EYA1: variants seen among roughly 807,000 people sequenced by gnomAD.
EYA1 encodes the protein EYA transcriptional coactivator and phosphatase 1.
In EYA1, 16 loss-of-function variants were observed where a neutral mutation model predicts 82.0. The ratio of observed to expected loss-of-function variants is 0.20; its 90% CI spans 0.13 to 0.30. The LOEUF (loss-of-function observed/expected upper bound fraction) is 0.30, where lower values mean the gene tolerates loss of function less well. EYA1 is among the 10% of genes least tolerant of loss of function. EYA1 has a pLI of 1.00. For missense variants in EYA1, 633 were observed against 730.7 expected (o/e 0.87, Z 1.54); for synonymous variants, 261 against 264.4 (o/e 0.99, Z 0.12).
intron 2 of EYA1, among the ~76,000 whole-genome samples, chr8:71,449,486 T>C (rs1482641620): frequency 6.6e-6 from 1 of 152,230 alleles, no homozygotes; most frequent in Non-Finnish European, 1.5e-5. Flanking sequence ...TCTTTTTTCC[T>C]GAGCAGTAGA....
chr8:71,275,384 G>A (rs1051269690), intron 9 of EYA1, among the ~76,000 whole-genome samples: 2 of 152,128 alleles, frequency 1.3e-5, no homozygotes, highest in African/African-American at 4.8e-5. Context: ...ATTCAGTTCC[G>A]CTTTGGACAT....
intron 2 of EYA1, among the ~76,000 whole-genome samples, chr8:71,448,252 C>A (rs1261866169): frequency 6.6e-6 from 1 of 152,102 alleles, no homozygotes; most frequent in Non-Finnish European, 1.5e-5. Context: ...GTTTTCTCAA[C>A]TAGGCTGATG....
chr8:71,318,371 C>T (rs1351532031), intron 6 of EYA1, among the ~76,000 whole-genome samples: 1 of 152,144 alleles, frequency 6.6e-6, no homozygotes, highest in Admixed American at 6.5e-5. Flanking sequence ...CCAGCAGTTT[C>T]CTTTTGTCCC....
intron 2 of EYA1, among the ~76,000 whole-genome samples, chr8:71,490,235 C>A (rs1245423415): frequency 6.6e-6 from 1 of 152,110 alleles, no homozygotes; most frequent in African/African-American, 2.4e-5. Flanking sequence ...CATAATAATG[C>A]CTTAACTTTT....
At chr8:71,423,293 C>T (rs529306850) in intron 2 of EYA1, among the ~76,000 whole-genome samples, 3 of 152,006 alleles carry the variant, frequency 2.0e-5, no homozygotes, top group Non-Finnish European at 4.4e-5. Context: ...CTGTTTTAAA[C>T]ATCTGAAATA....
At chr8:71,280,789 CCTAGG>C (rs1817729453) in intron 9 of EYA1, among the ~76,000 whole-genome samples, 1 of 152,094 alleles carries the variant, frequency 6.6e-6, no homozygotes, top group Non-Finnish European at 1.5e-5. Context: ...CACTCTGTCA[CCTAGG>C]CTGCAATACT....
chr8:71,456,958 T>C (rs561465830), intron 2 of EYA1, among the ~76,000 whole-genome samples: 89 of 152,174 alleles, frequency 5.8e-4, no homozygotes, highest in African/African-American at 2.1e-3. Context: ...GAAACTACCA[T>C]CAAAGTGAAC....
At chr8:71,224,238 G>A (rs1810298730) in intron 12 of EYA1, among the ~76,000 whole-genome samples, 1 of 152,184 alleles carries the variant, frequency 6.6e-6, no homozygotes, top group African/African-American at 2.4e-5. Context: ...GCTGATCAAG[G>A]CTATAGTATG....
chr8:71,293,834 C>T (rs1033386942), intron 9 of EYA1, among the ~76,000 whole-genome samples: 4 of 99,548 alleles, frequency 4.0e-5, no homozygotes, highest in Non-Finnish European at 4.9e-5. Flanking sequence ...TAACATTATA[C>T]TTCATGGCGA....
chr8:71,319,860 G>GA (rs1326971630), intron 6 of EYA1, among the ~76,000 whole-genome samples: 1 of 152,142 alleles, frequency 6.6e-6, no homozygotes, highest in African/African-American at 2.4e-5. Context: ...AGAACTTTTG[G>GA]ATCAGAAGTA....
At chr8:71,376,661 G>A (rs1481143831) in intron 2 of EYA1, among the ~76,000 whole-genome samples, 1 of 152,110 alleles carries the variant, frequency 6.6e-6, no homozygotes, top group Non-Finnish European at 1.5e-5. Flanking sequence ...AATTGAATGT[G>A]GGTTTCAGGC....
intron 2 of EYA1, among the ~76,000 whole-genome samples, chr8:71,457,380 A>G (rs1808019090): frequency 6.6e-6 from 1 of 152,196 alleles, no homozygotes; most frequent in African/African-American, 2.4e-5. Context: ...AGAACTAGAA[A>G]TACCATTTGA....
intron 17 of EYA1, among the ~76,000 whole-genome samples, chr8:71,207,231 T>C (rs1018897483): frequency 9.2e-5 from 14 of 152,216 alleles, no homozygotes; most frequent in African/African-American, 3.1e-4. Flanking sequence ...TCTACTTCTG[T>C]GCAGCACTCC....
At chr8:71,297,501 G>A (rs948422896) in intron 9 of EYA1, among the ~76,000 whole-genome samples, 6 of 152,060 alleles carry the variant, frequency 3.9e-5, no homozygotes, top group African/African-American at 1.2e-4. Context: ...CTCTTTCTAT[G>A]ACTCTCTAGA....
At position 71,451,488 on chromosome 8, in the gene EYA1, G is replaced by T. The variant is rs534750889; in HGVS notation, c.33+84256C>A. Among the ~76,000 whole-genome samples, 5 of 152,264 alleles carry T rather than the reference G, an allele frequency of 3.3e-5. No homozygotes were observed. The South Asian group carries it at 8.3e-4, about 25-fold the overall frequency. ...TTGTACATGTACACACACAATGCCAGAAAGAAATATATGAAATATATGAAA... is the reference window on the plus strand; with the variant it reads ...TTGTACATGTACACACACAATGCCATAAAGAAATATATGAAATATATGAAA... On this transcript the variant is annotated intron_variant, in intron 2 of 18. Coordinates refer to the EYA1 transcript ENST00000643681.
rs779794874 is a variant in EYA1 at position 71,299,671 on chromosome 8, G to C, written c.606C>G (p.Leu202=). ...SSGIYTGNNS[L]TNSSGFNSSQ... ...AACTATTAAATCCAGAGGAATTTGT[G>C]AGTGAATTATTTCCTGTATATATTC... Residue 202 remains leucine, a synonymous_variant, in exon 8 of 18, where the codon CTC becomes CTG. Transcript: ENST00000340726. The C allele has an allele frequency of 1.3e-6, 2 of 1,595,804 alleles. No individual in the cohort carries two copies. The highest frequency in any genetic ancestry group is 2.2e-5 in the South Asian group (2 of 90,622).
rs1806580972 is a variant in EYA1, at chr8:71,198,888, G to A, written c.*452C>T. 1 of 226,414 alleles carries A rather than the reference G, an allele frequency of 4.4e-6. No homozygotes were observed. The highest frequency in any genetic ancestry group is 9.0e-6 in the Non-Finnish European group (1 of 111,650). 14.0% of individuals were successfully genotyped at this position (226,414 alleles called of 1,614,324 possible). A position where few individuals can be genotyped will look rare whatever the true frequency, so the allele number is the denominator to read the frequency against. ...TAAGTAGAGATGTACAGATTACCCT[G>A]GGTATGAGACACCAAAAAGTAAACC... On this transcript the variant is annotated 3_prime_UTR_variant, in exon 18 of 18. Coordinates refer to ENST00000340726, the MANE Select transcript of EYA1 (RefSeq NM_000503.6).
At chr8:71,338,952 A>C (rs1044062080) in intron 3 of EYA1, among the ~76,000 whole-genome samples, 1 of 152,100 alleles carries the variant, frequency 6.6e-6, no homozygotes, top group Non-Finnish European at 1.5e-5. Context: ...CTACTATATT[A>C]TGCAGGGACT....
chr8:71,480,034 C>G (rs1586800412), intron 2 of EYA1, among the ~76,000 whole-genome samples: 1 of 152,168 alleles, frequency 6.6e-6, no homozygotes, highest in South Asian at 2.1e-4. Context: ...CATGTGGTCA[C>G]TTAAATTTTT....
Sources: gnomAD v4.1 joint callset for allele counts (sites outside exome capture counted in the v4.1 genomes callset) on GRCh38, gnomAD v4.1.1 for gene constraint, MANE v1.5 for transcripts, NCBI Gene and HGNC (gene_info 2026-07-23, HGNC 2026-07-21) for gene names.